Variants in GRIK2 observed in about 807,000 individuals in gnomAD.
GRIK2 encodes the protein glutamate ionotropic receptor kainate type subunit 2, also known as glutamate receptor ionotropic, kainate 2.
A neutral mutation model predicts 100.3 loss-of-function variants in GRIK2; 32 were observed. That is an observed-to-expected ratio of 0.32 (90% CI 0.24 to 0.43). The LOEUF (loss-of-function observed/expected upper bound fraction) is 0.43. Ranked by LOEUF, GRIK2 falls within the 20% of genes least tolerant of loss-of-function variation. The pLI is 1.00. For synonymous variants in GRIK2, 417 were observed against 389.4 expected (o/e 1.07, Z -0.83); for missense variants, 843 against 1,114.9 (o/e 0.76, Z 3.47).
chr6:101,455,783 A>G (rs1467534935), intron 2 of GRIK2, among the ~76,000 whole-genome samples: 1 of 152,138 alleles, frequency 6.6e-6, no homozygotes, highest in East Asian at 1.9e-4. Context: ...AGATTTAGTA[A>G]TCAGGTTTAG....
Position 102,069,568 on chromosome 6 carries a change from C to T in GRIK2, c.*1057C>T, listed in dbSNP as rs1016547484. On this transcript the variant is annotated 3_prime_UTR_variant, in exon 17 of 17. Coordinates refer to ENST00000369134, the MANE Select transcript of GRIK2 (RefSeq NM_021956.5). ...ATCTATAGAAAAATCTGTGAGAGAA[C>T]TTGGAAGTGGACTGCGTTTATCAAT... The T allele has an allele frequency of 6.6e-6, 1 of 151,642 alleles. No individual in the cohort carries two copies. Among genetic ancestry groups the T allele is most frequent in the Non-Finnish European group, 1.5e-5 (1 of 67,904 alleles). The allele number at this position is 151,642 out of a possible 1,614,324, so 9.4% of individuals were successfully genotyped here.
At chr6:101,821,701 A>C (rs1180134895) in intron 10 of GRIK2, among the ~76,000 whole-genome samples, 2 of 152,160 alleles carry the variant, frequency 1.3e-5, no homozygotes, top group Non-Finnish European at 2.9e-5. Context: ...ACATATCCAT[A>C]GTCAAGTAAA....
intron 2 of GRIK2, among the ~76,000 whole-genome samples, chr6:101,481,450 A>C (rs1772524900): frequency 6.6e-6 from 1 of 152,150 alleles, no homozygotes; most frequent in South Asian, 2.1e-4. Context: ...AGCTATTGAT[A>C]ATACCATATT....
Position 101,572,131 on chromosome 6 carries a change from TA to T in GRIK2, c.116-49811del, listed in dbSNP as rs148700223. Among the ~76,000 whole-genome samples, 1,145 of 152,192 alleles carry T rather than the reference TA, an allele frequency of 7.5e-3. 16 individuals carry two copies. Among genetic ancestry groups the T allele is most frequent in the African/African-American group, 0.026 (1,082 of 41,552 alleles). ...TTTGTTACTTTCTAGCTTTGTCATT[TA>T]AAAAAAGTTGCTTTTTTATTTTAAT... On this transcript the variant is annotated intron_variant, in intron 2 of 16. Coordinates refer to ENST00000369134, the MANE Select transcript of GRIK2 (RefSeq NM_021956.5).
At chr6:101,914,898 A>C (rs940421536) in intron 12 of GRIK2, among the ~76,000 whole-genome samples, 2 of 151,502 alleles carry the variant, frequency 1.3e-5, no homozygotes, top group Admixed American at 1.3e-4. Context: ...TATTACTTTC[A>C]TTCCTTTCTT....
chr6:101,681,124 T>A (rs563090582), intron 5 of GRIK2, among the ~76,000 whole-genome samples: 4 of 152,214 alleles, frequency 2.6e-5, no homozygotes, highest in Admixed American at 6.5e-5. Context: ...TTTTATTTTT[T>A]ATTTTTAATT....
At chr6:101,952,850 T>A (rs1004542216) in intron 14 of GRIK2, among the ~76,000 whole-genome samples, 4 of 152,110 alleles carry the variant, frequency 2.6e-5, no homozygotes, top group African/African-American at 9.7e-5. Context: ...GATCTGCCCA[T>A]CTCGGCCTCC....
In GRIK2 at chr6:101,414,675, G is replaced by A. The variant is rs9498579; in HGVS notation, c.115+15283G>A. Among the ~76,000 whole-genome samples the A allele has an allele frequency of 4.6e-3, 697 of 152,196 alleles. 6 individuals carry two copies. Among genetic ancestry groups the A allele is most frequent in the African/African-American group, 0.015 (637 of 41,520 alleles). ...GATCTAAAAGGATGCTGTAGTGATC[G>A]CAGATACCCTCCCAGCAGCAGGATG... On this transcript the variant is annotated intron_variant, in intron 2 of 16. Coordinates refer to ENST00000369134, the MANE Select transcript of GRIK2 (RefSeq NM_021956.5).
intron 2 of GRIK2, among the ~76,000 whole-genome samples, chr6:101,531,913 A>T (rs1052527121): frequency 2.0e-5 from 3 of 151,882 alleles, no homozygotes; most frequent in African/African-American, 7.2e-5. Flanking sequence ...AGGTCTCATA[A>T]TTGCTCTTGG....
intron 14 of GRIK2, among the ~76,000 whole-genome samples, chr6:102,033,122 A>C (rs1770083707): frequency 1.3e-5 from 2 of 151,428 alleles, no homozygotes; most frequent in East Asian, 3.9e-4. Flanking sequence ...ATACCTACAT[A>C]TTTTTATAAA....
chr6:101,844,159 T>C (rs1333875275), intron 10 of GRIK2, among the ~76,000 whole-genome samples: 1 of 152,172 alleles, frequency 6.6e-6, no homozygotes, highest in Non-Finnish European at 1.5e-5. Context: ...AGAGAAAACA[T>C]ACTCTTAGAA....
At chr6:101,515,627 A>G (rs545212487) in intron 2 of GRIK2, among the ~76,000 whole-genome samples, 1 of 152,248 alleles carries the variant, frequency 6.6e-6, no homozygotes, top group South Asian at 2.1e-4. Flanking sequence ...ATAAGGTGGT[A>G]TCCCATTGTG....
intron 2 of GRIK2, among the ~76,000 whole-genome samples, chr6:101,610,897 C>G (rs142096800): frequency 8.6e-5 from 13 of 151,782 alleles, no homozygotes; most frequent in African/African-American, 2.9e-4. Context: ...TCAGTTTGAT[C>G]AGTTCTATTT....
At chr6:102,033,387 C>A (rs571214699) in intron 14 of GRIK2, among the ~76,000 whole-genome samples, 1 of 151,456 alleles carries the variant, frequency 6.6e-6, no homozygotes, top group African/African-American at 2.4e-5. Context: ...CATGCTCTTG[C>A]TTCCTCTCCA....
intron 2 of GRIK2, among the ~76,000 whole-genome samples, chr6:101,571,843 G>C (rs542418292): frequency 6.2e-4 from 94 of 152,140 alleles, no homozygotes; most frequent in Non-Finnish European, 1.1e-3. Flanking sequence ...AAAATAAACT[G>C]TCATGGACAT....
chr6:101,554,704 G>C (rs550619302), intron 2 of GRIK2, among the ~76,000 whole-genome samples: 2 of 152,210 alleles, frequency 1.3e-5, no homozygotes, highest in South Asian at 4.2e-4. Flanking sequence ...TTAGGGGTAA[G>C]GTTGTGGATT....
At chr6:101,901,813 A>G (rs1000635891) in intron 12 of GRIK2, among the ~76,000 whole-genome samples, 1 of 151,940 alleles carries the variant, frequency 6.6e-6, no homozygotes, top group African/African-American at 2.4e-5. Flanking sequence ...GTTATCACTA[A>G]CATATTACAA....
chr6:101,845,620 C>T (rs762985769), intron 10 of GRIK2, among the ~76,000 whole-genome samples: 1 of 152,290 alleles, frequency 6.6e-6, no homozygotes, highest in East Asian at 1.9e-4. Context: ...CTGCTATGCA[C>T]ATTGGTTCAC....
chr6:101,528,041 G>A (rs1775240314), intron 2 of GRIK2, among the ~76,000 whole-genome samples: 1 of 152,084 alleles, frequency 6.6e-6, no homozygotes, highest in Non-Finnish European at 1.5e-5. Flanking sequence ...CACTTAGTGT[G>A]CTGTGTGAGT....
Sources: gnomAD v4.1 joint callset for allele counts (sites outside exome capture counted in the v4.1 genomes callset) on GRCh38, gnomAD v4.1.1 for gene constraint, MANE v1.5 for transcripts, NCBI Gene and HGNC (gene_info 2026-07-23, HGNC 2026-07-21) for gene names.